Variants in ANO2 observed in about 807,000 individuals in gnomAD.
The protein encoded by ANO2 is anoctamin-2.
A neutral mutation model predicts 124.2 loss-of-function variants in ANO2; 101 were observed. That is an observed-to-expected ratio of 0.81 (90% CI 0.69 to 0.96). The LOEUF (loss-of-function observed/expected upper bound fraction) is 0.96, where lower values mean the gene tolerates loss of function less well. ANO2 is among the 40% of genes least tolerant of loss of function. ANO2 has a pLI of 0.00. For missense variants in ANO2, 1,293 were observed against 1,274.5 expected (o/e 1.01, Z -0.22); for synonymous variants, 486 against 482.5 (o/e 1.01, Z -0.09).
At chr12:5,591,649 T>C (rs931689507) in intron 20 of ANO2, among the ~76,000 whole-genome samples, 3 of 152,176 alleles carry the variant, frequency 2.0e-5, no homozygotes, top group African/African-American at 7.2e-5. Context: ...GGTCTTTACA[T>C]ACATAGGGGA....
At chr12:5,691,287 C>A (rs1948925941) in intron 14 of ANO2, among the ~76,000 whole-genome samples, 1 of 137,778 alleles carries the variant, frequency 7.3e-6, no homozygotes. Context: ...GAGATCGCAC[C>A]ATTGCACTCC....
At chr12:5,892,938 T>C (rs926116929) in intron 3 of ANO2, among the ~76,000 whole-genome samples, 1 of 152,190 alleles carries the variant, frequency 6.6e-6, no homozygotes, top group African/African-American at 2.4e-5. Context: ...CACTTTCTCA[T>C]AGAGTTTTCA....
At chr12:5,618,409 GTGTGCACTGTCATTA>G (rs1944945911) in intron 16 of ANO2, among the ~76,000 whole-genome samples, 1 of 152,164 alleles carries the variant, frequency 6.6e-6, no homozygotes, top group Non-Finnish European at 1.5e-5. Context: ...TCATACGTAG[GTGTGCACTGTCATTA>G]TCTCACTTAA....
chr12:5,576,349 C>A lies in ANO2; in HGVS notation c.2440-334G>T, dbSNP rs12314893. ...GTTGAGCAAGCCAAAACAGGGTGCACGCTTTCCTGAAAAAAATTACCTATA... is the reference window on the plus strand; with the variant it reads ...GTTGAGCAAGCCAAAACAGGGTGCAAGCTTTCCTGAAAAAAATTACCTATA... On this transcript the variant is annotated intron_variant, in intron 22 of 24. Transcript: ENST00000682330. 4.1e-3 allele frequency among the ~76,000 whole-genome samples: 626 copies of A among 152,224 alleles called. 4 individuals are homozygous for A. The highest frequency in any genetic ancestry group is 0.015 in the African/African-American group (606 of 41,544).
In ANO2 at chr12:5,615,327, T is replaced by G. The variant is rs748031778; in HGVS notation, c.1817-30A>C. 17 of 1,559,020 alleles carry G rather than the reference T, an allele frequency of 1.1e-5. No individual in the cohort carries two copies. In the Admixed American group the frequency reaches 1.6e-4, roughly 15 times the overall value. On this transcript the variant is annotated intron_variant, in intron 16 of 24. Transcript: ENST00000682330. ...AAGAGAAGAGCGAGGCTGATGAGAT[T>G]GGGGTGAGATTTCTCACCTCTCCAG...
chr12:5,719,056 T>G (rs1950124476), intron 14 of ANO2, among the ~76,000 whole-genome samples: 1 of 152,216 alleles, frequency 6.6e-6, no homozygotes, highest in South Asian at 2.1e-4. Context: ...TTCCCTCCAC[T>G]GAACTCCAGG....
chr12:5,788,603 G>C (rs1952607755), intron 10 of ANO2, among the ~76,000 whole-genome samples: 1 of 152,234 alleles, frequency 6.6e-6, no homozygotes, highest in African/African-American at 2.4e-5. Context: ...CTGTCACCCA[G>C]GCTGGAGTGC....
chr12:5,931,408 A>C (rs543016286), intron 1 of ANO2, among the ~76,000 whole-genome samples: 1 of 152,144 alleles, frequency 6.6e-6, no homozygotes, highest in Non-Finnish European at 1.5e-5. Context: ...GTATTGTATA[A>C]AACATTGGGA....
At chr12:5,783,148 C>A (rs974556069) in intron 10 of ANO2, among the ~76,000 whole-genome samples, 2 of 152,210 alleles carry the variant, frequency 1.3e-5, no homozygotes, top group African/African-American at 4.8e-5. Flanking sequence ...CTAACACTCC[C>A]CATCTCTCAC....
At chr12:5,905,210 G>A (rs560338737) in intron 3 of ANO2, among the ~76,000 whole-genome samples, 6 of 152,174 alleles carry the variant, frequency 3.9e-5, no homozygotes, top group East Asian at 1.9e-4. Context: ...TGTTAGGGCC[G>A]TGTGGCACCT....
intron 7 of ANO2, among the ~76,000 whole-genome samples, chr12:5,815,249 G>C (rs532583100): frequency 2.8e-3 from 431 of 152,248 alleles, no homozygotes; most frequent in African/African-American, 9.5e-3. Context: ...ATTCTAATGA[G>C]CTTGTTTTTC....
chr12:5,568,675 A>G (rs1245335851), intron 23 of ANO2, among the ~76,000 whole-genome samples: 2 of 152,214 alleles, frequency 1.3e-5, no homozygotes, highest in East Asian at 1.9e-4. Context: ...AGTGTTCACC[A>G]AAGAGAGTGG....
chr12:5,851,700 AAG>A (rs1221511382), intron 4 of ANO2, among the ~76,000 whole-genome samples: 2 of 151,646 alleles, frequency 1.3e-5, no homozygotes, highest in Admixed American at 6.6e-5. Context: ...AAAAAAAAAA[AAG>A]AGAGATGTGG....
chr12:5,581,984 A>T (rs1400449967), intron 20 of ANO2, among the ~76,000 whole-genome samples: 1 of 152,254 alleles, frequency 6.6e-6, no homozygotes, highest in African/African-American at 2.4e-5. Context: ...ACTCTCTAGC[A>T]TGCAAATTCC....
chr12:5,833,453 C>T (rs1206527633), intron 4 of ANO2, among the ~76,000 whole-genome samples: 4 of 152,120 alleles, frequency 2.6e-5, no homozygotes, highest in African/African-American at 9.7e-5. Flanking sequence ...CTGTTCCCAC[C>T]CCCCTTGAAT....
At chr12:5,629,872 C>A (rs1945618405) in intron 16 of ANO2, among the ~76,000 whole-genome samples, 1 of 152,208 alleles carries the variant, frequency 6.6e-6, no homozygotes, top group Non-Finnish European at 1.5e-5. Context: ...TCAGTCCTGC[C>A]TCACCAGTGC....
Position 5,762,448 on chromosome 12 carries a change from A to C in ANO2, c.1056-11478T>G, listed in dbSNP as rs765853593. Among the ~76,000 whole-genome samples, 8 of 152,136 alleles carry C rather than the reference A, an allele frequency of 5.3e-5. No individual in the cohort carries two copies. The South Asian group carries it at 1.5e-3, about 28-fold the overall frequency. On this transcript the variant is annotated intron_variant, in intron 10 of 24. Coordinates refer to ENST00000682330, the MANE Select transcript of ANO2 (RefSeq NM_001364791.2). ...TTTTCACTAGAAAATAAGGTTACTA[A>C]GAGTTAAAATTTCTAACTAAGTATA... is the stretch of plus-strand genomic sequence containing the variant.
intron 20 of ANO2, among the ~76,000 whole-genome samples, chr12:5,581,233 T>C (rs1358792140): frequency 6.6e-6 from 1 of 152,206 alleles, no homozygotes; most frequent in Non-Finnish European, 1.5e-5. Context: ...GCTGGTCTTC[T>C]TGATTCTAAT....
intron 3 of ANO2, among the ~76,000 whole-genome samples, chr12:5,895,609 G>A (rs1158182593): frequency 2.6e-5 from 4 of 152,014 alleles, no homozygotes; most frequent in Admixed American, 2.6e-4. Flanking sequence ...TGCAAGAATG[G>A]CCATAATTAA....
Sources: allele counts gnomAD v4.1 joint callset (sites outside exome capture counted in the v4.1 genomes callset), GRCh38; gene constraint gnomAD v4.1.1; transcripts MANE v1.5; gene names NCBI Gene and HGNC (gene_info 2026-07-23, HGNC 2026-07-21).